Variants in AGPAT4 observed in about 807,000 individuals in gnomAD.
AGPAT4 encodes the protein 1-acylglycerol-3-phosphate O-acyltransferase 4.
A neutral mutation model predicts 48.0 loss-of-function variants in AGPAT4; 15 were observed. The observed-to-expected ratio is 0.31, with a 90% CI of 0.21 to 0.48. The LOEUF is 0.48. Ranked by LOEUF, AGPAT4 falls within the 20% of genes least tolerant of loss-of-function variation. The pLI, the probability that AGPAT4 is intolerant of heterozygous loss-of-function variation, is 0.99. For synonymous variants in AGPAT4, 178 were observed against 198.7 expected (o/e 0.90, Z 0.88); for missense variants, 314 against 482.5 (o/e 0.65, Z 3.27).
chr6:161,262,611 G>T lies in AGPAT4; in HGVS notation c.-90+11327C>A, dbSNP rs912699543. 6.6e-6 allele frequency among the ~76,000 whole-genome samples: 1 copy of T among 152,126 alleles called. No individual in the cohort carries two copies. Among genetic ancestry groups the T allele is most frequent in the Admixed American group, 6.5e-5 (1 of 15,274 alleles). On this transcript the variant is annotated intron_variant, in intron 1 of 8. Coordinates refer to ENST00000320285, the MANE Select transcript of AGPAT4 (RefSeq NM_020133.3). This position sits in a 1 kb window ranked among gnomAD's most constrained non-coding sequence, Gnocchi z 4.9. ...CACAGGCTTACTGGGGCTCTTAGGG[G>T]CTGAGTTCTCCCCTTCTGACCCACT... is the stretch of plus-strand genomic sequence containing the variant.
intron 3 of AGPAT4, among the ~76,000 whole-genome samples, chr6:161,163,223 T>G (rs1442034853): frequency 6.6e-6 from 1 of 152,260 alleles, no homozygotes; most frequent in Non-Finnish European, 1.5e-5. Context: ...TCTGCAAATT[T>G]CATTGACTTC....
chr6:161,260,655 CAAAAAAAAAAAAAA>C (rs377444402), intron 1 of AGPAT4, among the ~76,000 whole-genome samples: 3 of 45,672 alleles, frequency 6.6e-5, no homozygotes, highest in Admixed American at 3.5e-4. Flanking sequence ...GACTACGTCT[CAAAAAAAAAAAAAA>C]AAAAAAAAAA....
At position 161,200,344 on chromosome 6, in the gene AGPAT4, T is replaced by C. The variant is rs570666123; in HGVS notation, c.178+31692A>G. 1.1e-4 allele frequency among the ~76,000 whole-genome samples: 16 copies of C among 152,350 alleles called. No individual in the cohort carries two copies. Among genetic ancestry groups the C allele is most frequent in the African/African-American group, 3.6e-4 (15 of 41,582 alleles). On this transcript the variant is annotated intron_variant, in intron 2 of 8. Transcript: ENST00000320285. This position sits in a 1 kb window ranked among gnomAD's most constrained non-coding sequence, Gnocchi z 5.5. ...ATTAAGGCCTGTGTGCCAGGTACTA[T>C]AGGAAGGGATGCACAGTAAATGATG...
At position 161,180,192 on chromosome 6, in the gene AGPAT4, G is replaced by A. The variant is rs148256363; in HGVS notation, c.179-13775C>T. 1.2e-4 allele frequency among the ~76,000 whole-genome samples: 19 copies of A among 152,270 alleles called. No homozygotes were observed. Among genetic ancestry groups the A allele is most frequent in the Non-Finnish European group, 2.2e-4 (15 of 68,020 alleles). Reference sequence around the variant, plus strand: ...GCCTCCAGGCAAGCTCTTCCCTGACGCAGGTAGAGAGGGGTCTTAGGCTCC... The same window carrying A: ...GCCTCCAGGCAAGCTCTTCCCTGACACAGGTAGAGAGGGGTCTTAGGCTCC... On this transcript the variant is annotated intron_variant, in intron 2 of 8. Transcript: ENST00000320285. The surrounding 1 kb of genome is among the most constrained non-coding windows in gnomAD (Gnocchi z 6.4).
rs1251911339 is a variant in AGPAT4, at chr6:161,225,020, C to T, written c.178+7016G>A. 1.3e-5 allele frequency among the ~76,000 whole-genome samples: 2 copies of T among 152,024 alleles called. No individual in the cohort carries two copies. The highest frequency in any genetic ancestry group is 4.8e-5 in the African/African-American group (2 of 41,370). Reference sequence around the variant, plus strand: ...GACTCATTCCAATTACGTGCTTCACCCTGACTCCTTCCAACTACCTGCTCC... The same window carrying T: ...GACTCATTCCAATTACGTGCTTCACTCTGACTCCTTCCAACTACCTGCTCC... On this transcript the variant is annotated intron_variant, in intron 2 of 8. Coordinates refer to ENST00000320285, the MANE Select transcript of AGPAT4 (RefSeq NM_020133.3). This position sits in a 1 kb window ranked among gnomAD's most constrained non-coding sequence, Gnocchi z 5.0.
chr6:161,194,106 T>C (rs533353126), intron 2 of AGPAT4, among the ~76,000 whole-genome samples: 1 of 152,310 alleles, frequency 6.6e-6, no homozygotes, highest in Non-Finnish European at 1.5e-5. Context: ...AGATAAGCTG[T>C]AGGCATAAAA....
rs910917246 is a variant in AGPAT4, at chr6:161,242,802, G to A, written c.-89-10500C>T. On this transcript the variant is annotated intron_variant, in intron 1 of 8. Transcript: ENST00000320285. This position sits in a 1 kb window ranked among gnomAD's most constrained non-coding sequence, Gnocchi z 5.0. Reference sequence around the variant, plus strand: ...TAAGGAAACCTAGGCCGGGCGCAGCGGCTCACACCTGTCATCCCAGCACTT... The same window carrying A: ...TAAGGAAACCTAGGCCGGGCGCAGCAGCTCACACCTGTCATCCCAGCACTT... 2.6e-5 allele frequency among the ~76,000 whole-genome samples: 4 copies of A among 152,154 alleles called. No homozygotes were observed. The highest frequency in any genetic ancestry group is 5.9e-5 in the Non-Finnish European group (4 of 68,020).
Position 161,262,672 on chromosome 6 carries a change from G to T in AGPAT4, c.-90+11266C>A, listed in dbSNP as rs1176879106. On this transcript the variant is annotated intron_variant, in intron 1 of 8. Coordinates refer to ENST00000320285, the MANE Select transcript of AGPAT4 (RefSeq NM_020133.3). The surrounding 1 kb of genome is among the most constrained non-coding windows in gnomAD (Gnocchi z 4.9). ...CCCCACTTCTTCCTTTGCTCAGAAG[G>T]TTTGGGTCCGATTATTCTTCAGTCC... Among the ~76,000 whole-genome samples, 1 of 152,134 alleles carries T rather than the reference G, an allele frequency of 6.6e-6. No homozygotes were observed. Among genetic ancestry groups the T allele is most frequent in the Non-Finnish European group, 1.5e-5 (1 of 68,030 alleles).
chr6:161,239,372 C>G (rs1782413437), intron 1 of AGPAT4, among the ~76,000 whole-genome samples: 1 of 152,188 alleles, frequency 6.6e-6, no homozygotes, highest in Non-Finnish European at 1.5e-5. Flanking sequence ...CATATTCTGT[C>G]TTATTCAAAA....
intron 1 of AGPAT4, among the ~76,000 whole-genome samples, chr6:161,271,469 T>G (rs1783422568): frequency 1.3e-5 from 2 of 152,226 alleles, no homozygotes; most frequent in African/African-American, 2.4e-5. Context: ...TGCTGCCTTC[T>G]TCACCAACTT....
At position 161,140,716 on chromosome 6, in the gene AGPAT4, G is replaced by A. The variant is rs2114952317; in HGVS notation, c.844-1096C>T. Among the ~76,000 whole-genome samples, 1 of 152,342 alleles carries A rather than the reference G, an allele frequency of 6.6e-6. No homozygotes were observed. The highest frequency in any genetic ancestry group is 2.1e-4 in the South Asian group (1 of 4,826). On this transcript the variant is annotated intron_variant, in intron 7 of 8. Coordinates refer to ENST00000320285, the MANE Select transcript of AGPAT4 (RefSeq NM_020133.3). This position sits in a 1 kb window ranked among gnomAD's most constrained non-coding sequence, Gnocchi z 6.5. ...CCAGGATGCCCGCTGGCCCGTCTAA[G>A]GGCAGGTCCTGGCCGTGAGGAGGGG...
chr6:161,257,462 T>C (rs1782973904), intron 1 of AGPAT4, among the ~76,000 whole-genome samples: 1 of 152,166 alleles, frequency 6.6e-6, no homozygotes, highest in African/African-American at 2.4e-5. Context: ...AGGAGACTTT[T>C]GGGATGAGAG....
At chr6:161,248,562 A>T (rs1782725692) in intron 1 of AGPAT4, among the ~76,000 whole-genome samples, 1 of 124,314 alleles carries the variant, frequency 8.0e-6, no homozygotes, top group Admixed American at 8.8e-5. Flanking sequence ...TGACAGCGAG[A>T]CTCTGTCTCA....
Position 161,133,806 on chromosome 6 carries a change from A to C in AGPAT4, c.*2734T>G, listed in dbSNP as rs1778979968. On this transcript the variant is annotated 3_prime_UTR_variant, in exon 9 of 9. Transcript: ENST00000320285. Reference sequence around the variant, plus strand: ...AAGCTTTAAGCTAGAATGAGATGGAAAGGTGGGAAAGACAGACAGGAAGTG... The same window carrying C: ...AAGCTTTAAGCTAGAATGAGATGGACAGGTGGGAAAGACAGACAGGAAGTG... The C allele has an allele frequency of 6.6e-6, 1 of 152,206 alleles. No individual in the cohort carries two copies. The highest frequency in any genetic ancestry group is 2.4e-5 in the African/African-American group (1 of 41,444). The allele number at this position is 152,206 out of a possible 1,614,324, so 9.4% of individuals were successfully genotyped here.
In AGPAT4 at chr6:161,225,668, GGTGT is replaced by G; in HGVS notation, c.178+6364_178+6367del. Among the ~76,000 whole-genome samples, 1 of 152,300 alleles carries G rather than the reference GGTGT, an allele frequency of 6.6e-6. No individual in the cohort carries two copies. Among genetic ancestry groups the G allele is most frequent in the Admixed American group, 6.5e-5 (1 of 15,300 alleles). On this transcript the variant is annotated intron_variant, in intron 2 of 8. Transcript: ENST00000320285. This position sits in a 1 kb window ranked among gnomAD's most constrained non-coding sequence, Gnocchi z 5.0. The stretch of plus-strand genomic sequence containing the variant: ...GGATCTCGTGATGTGGAGCCGTCAG[GGTGT>G]GTGACTCCAGGTGAAGTCAGGCAGT...
rs541943424 is a variant in AGPAT4 at position 161,178,317 on chromosome 6, T to C, written c.179-11900A>G. ...CTTCCCAGCCACTTTGTTTACCTAC[T>C]CAAGCCTCAGCAATGGCGGATGCCC... On this transcript the variant is annotated intron_variant, in intron 2 of 8. Transcript: ENST00000320285. The surrounding 1 kb of genome is among the most constrained non-coding windows in gnomAD (Gnocchi z 5.1). Among the ~76,000 whole-genome samples the C allele has an allele frequency of 3.6e-4, 55 of 152,348 alleles. 1 individual carries two copies. The highest frequency in any genetic ancestry group is 6.2e-4 in the South Asian group (3 of 4,822).
chr6:161,145,900 G>A (rs775061572), intron 7 of AGPAT4, among the ~76,000 whole-genome samples: 1 of 151,656 alleles, frequency 6.6e-6, no homozygotes, highest in African/African-American at 2.4e-5. Flanking sequence ...CTCACCAAGG[G>A]GAAGCTAAGC....
At chr6:161,237,821 C>G (rs1380617001) in intron 1 of AGPAT4, among the ~76,000 whole-genome samples, 1 of 152,022 alleles carries the variant, frequency 6.6e-6, no homozygotes, top group Admixed American at 6.6e-5. Context: ...CATTTCCCAG[C>G]CCCCGTGAAG....
rs908451201 is a variant in AGPAT4, at chr6:161,267,522, T to C, written c.-90+6416A>G. ...TGAAGTCAGGAGTTCGAGACCAGCC[T>C]GGCCAACATGGGGAAACCCTGTCTC... is the stretch of plus-strand genomic sequence containing the variant. On this transcript the variant is annotated intron_variant, in intron 1 of 8. Coordinates refer to ENST00000320285, the MANE Select transcript of AGPAT4 (RefSeq NM_020133.3). The surrounding 1 kb of genome is among the most constrained non-coding windows in gnomAD (Gnocchi z 5.2). Among the ~76,000 whole-genome samples, 2 of 152,070 alleles carry C rather than the reference T, an allele frequency of 1.3e-5. No homozygotes were observed. Among genetic ancestry groups the C allele is most frequent in the African/African-American group, 4.8e-5 (2 of 41,392 alleles).
Sources: allele counts gnomAD v4.1 joint callset (sites outside exome capture counted in the v4.1 genomes callset), GRCh38; gene constraint gnomAD v4.1.1; non-coding constraint Gnocchi (gnomAD v3.1); transcripts MANE v1.5; gene names NCBI Gene and HGNC (gene_info 2026-07-23, HGNC 2026-07-21).